KCNQ1: variants seen among roughly 807,000 people sequenced by gnomAD.
The protein encoded by KCNQ1 is potassium voltage-gated channel subfamily Q member 1.
In KCNQ1, 49 loss-of-function variants were observed where a neutral mutation model predicts 72.4. The observed-to-expected ratio is 0.68, with a 90% CI of 0.54 to 0.86. The LOEUF (loss-of-function observed/expected upper bound fraction) is 0.86. Among genes scored for constraint, KCNQ1 ranks in the 40% least tolerant of loss-of-function variants. The pLI is 0.00. For missense variants in KCNQ1, 790 were observed against 945.1 expected, an observed-to-expected ratio of 0.84 and a Z score of 2.15; for synonymous variants, 450 against 412.6, an observed-to-expected ratio of 1.09 and a Z score of -1.10.
Position 2,544,260 on chromosome 11 carries a change from G to GTA in KCNQ1, c.477+16243_477+16244insAT, listed in dbSNP as rs58881224. Among the ~76,000 whole-genome samples the GTA allele has an allele frequency of 9.0e-6, 1 of 110,862 alleles. No individual in the cohort carries two copies. Among genetic ancestry groups the GTA allele is most frequent in the Admixed American group, 8.8e-5 (1 of 11,344 alleles). 72.7% of individuals were successfully genotyped at this position (110,862 alleles called of 152,430 possible). On this transcript the variant is annotated intron_variant, in intron 2 of 15. Transcript: ENST00000155840. This position sits in a 1 kb window ranked among gnomAD's most constrained non-coding sequence, Gnocchi z 4.4. ...TATGTGTGTGTGTGTATATATATATGTGTGTGTGTGTATATATATGTGTAT... is the reference window on the plus strand; with the variant it reads ...TATGTGTGTGTGTGTATATATATATGTATGTGTGTGTGTATATATATGTGTAT...
At position 2,766,302 on chromosome 11, in the gene KCNQ1, G is replaced by A. The variant is rs1846496960; in HGVS notation, c.1515-2542G>A. On this transcript the variant is annotated intron_variant, in intron 11 of 15. Coordinates refer to ENST00000155840, the MANE Select transcript of KCNQ1 (RefSeq NM_000218.3). This position sits in a 1 kb window ranked among gnomAD's most constrained non-coding sequence, Gnocchi z 4.4. ...CAGTTGGGTGGTCTCACTTGGATTCGATGACATGGCAGTACTTGCATGGTG... is the reference window on the plus strand; with the variant it reads ...CAGTTGGGTGGTCTCACTTGGATTCAATGACATGGCAGTACTTGCATGGTG... Among the ~76,000 whole-genome samples, 1 of 152,172 alleles carries A rather than the reference G, an allele frequency of 6.6e-6. No individual in the cohort carries two copies. The highest frequency in any genetic ancestry group is 1.5e-5 in the Non-Finnish European group (1 of 68,036).
intron 15 of KCNQ1, among the ~76,000 whole-genome samples, chr11:2,821,748 T>A (rs755852092): frequency 1.4e-4 from 21 of 152,148 alleles, no homozygotes; most frequent in Non-Finnish European, 2.5e-4. Flanking sequence ...CTGGCTGCTA[T>A]GTACTGGTCC....
Position 2,684,232 on chromosome 11 carries a change from C to G in KCNQ1, c.1514+22151C>G, listed in dbSNP as rs1590030526. 7.5e-6 allele frequency: 3 copies of G among 398,598 alleles called. No individual in the cohort carries two copies. In the East Asian group the frequency reaches 1.1e-4, roughly 14 times the overall value. 24.7% of individuals were successfully genotyped at this position (398,598 alleles called of 1,614,324 possible). A position where few individuals can be genotyped will look rare whatever the true frequency, so the allele number is the denominator to read the frequency against. ...GACAGGCAGCTGTCTGTTAACTGAC[C>G]CTACCCAGTACCTTCTGGGATTGGA... On this transcript the variant is annotated intron_variant, in intron 11 of 15. Coordinates refer to ENST00000155840, the MANE Select transcript of KCNQ1 (RefSeq NM_000218.3).
At chr11:2,726,436 C>T (rs950901283) in intron 11 of KCNQ1, among the ~76,000 whole-genome samples, 3 of 152,110 alleles carry the variant, frequency 2.0e-5, no homozygotes, top group African/African-American at 7.2e-5. Context: ...AGACACAGCT[C>T]AGGAGATGGA....
At chr11:2,476,262 T>A (rs1846567354) in intron 1 of KCNQ1, among the ~76,000 whole-genome samples, 1 of 152,198 alleles carries the variant, frequency 6.6e-6, no homozygotes, top group Non-Finnish European at 1.5e-5. Flanking sequence ...TGGATATCTC[T>A]GATTTCAACG....
At chr11:2,681,599 C>A in intron 11 of KCNQ1, 1 of 398,380 alleles carries the variant, frequency 2.5e-6, no homozygotes, top group South Asian at 1.3e-4. Flanking sequence ...CTTGCTTGCT[C>A]ACTCGCTCTC....
At position 2,475,209 on chromosome 11, in the gene KCNQ1, G is replaced by A. The variant is rs1180111300; in HGVS notation, c.386+29725G>A. Among the ~76,000 whole-genome samples, 1 of 152,062 alleles carries A rather than the reference G, an allele frequency of 6.6e-6. No homozygotes were observed. Among genetic ancestry groups the A allele is most frequent in the Non-Finnish European group, 1.5e-5 (1 of 68,022 alleles). On this transcript the variant is annotated intron_variant, in intron 1 of 15. Coordinates refer to ENST00000155840, the MANE Select transcript of KCNQ1 (RefSeq NM_000218.3). This position sits in a 1 kb window ranked among gnomAD's most constrained non-coding sequence, Gnocchi z 5.8. ...TCTGCCCCTGGATTTAGCTATTCTG[G>A]ATGTTTCATGTGCCTGAAATCATGG...
chr11:2,561,396 T>G (rs1848164945), intron 2 of KCNQ1, among the ~76,000 whole-genome samples: 1 of 152,090 alleles, frequency 6.6e-6, no homozygotes, highest in Admixed American at 6.5e-5. Flanking sequence ...CCACCTGTAC[T>G]CAGGACCCTG....
intron 1 of KCNQ1, among the ~76,000 whole-genome samples, chr11:2,524,736 C>G (rs1039843100): frequency 6.6e-6 from 1 of 152,204 alleles, no homozygotes; most frequent in Non-Finnish European, 1.5e-5. Flanking sequence ...TGCTGGACGT[C>G]AGGTGACACT....
intron 15 of KCNQ1, among the ~76,000 whole-genome samples, chr11:2,799,375 A>AGTGTGTGTGTGTGTGTGT (rs3079043): frequency 2.1e-4 from 31 of 147,400 alleles, no homozygotes; most frequent in East Asian, 2.0e-3. Flanking sequence ...TGTAAGTTCG[A>AGTGTGTGTGTGTGTGTGT]GTGTGTGTGT....
Position 2,473,302 on chromosome 11 carries a change from G to A in KCNQ1, c.386+27818G>A, listed in dbSNP as rs970418050. ...TAATAAATGGAAGAAAATAGTGGTTGGGGGCTTGCTGGGGACTCAGGGAGG... is the reference window on the plus strand; with the variant it reads ...TAATAAATGGAAGAAAATAGTGGTTAGGGGCTTGCTGGGGACTCAGGGAGG... On this transcript the variant is annotated intron_variant, in intron 1 of 15. Transcript: ENST00000155840. The surrounding 1 kb of genome is among the most constrained non-coding windows in gnomAD (Gnocchi z 6.0). Among the ~76,000 whole-genome samples the A allele has an allele frequency of 3.3e-5, 5 of 152,150 alleles. No individual in the cohort carries two copies. The highest frequency in any genetic ancestry group is 1.2e-4 in the African/African-American group (5 of 41,426).
intron 15 of KCNQ1, among the ~76,000 whole-genome samples, chr11:2,814,623 C>CAAGGAAGGAAGGAAGG (rs3079081): frequency 4.9e-5 from 7 of 142,546 alleles, no homozygotes; most frequent in East Asian, 4.6e-4. Flanking sequence ...TGGAAGGAGA[C>CAAGGAAGGAAGGAAGG]AAGGAAGGAA....
At chr11:2,512,152 T>A (rs964341696) in intron 1 of KCNQ1, among the ~76,000 whole-genome samples, 2 of 152,144 alleles carry the variant, frequency 1.3e-5, no homozygotes, top group African/African-American at 4.8e-5. Flanking sequence ...CGAACAAGAT[T>A]TGCACAAAAC....
chr11:2,704,846 G>A lies in KCNQ1; in HGVS notation c.1514+42765G>A, dbSNP rs1280625470. On this transcript the variant is annotated intron_variant, in intron 11 of 15. Transcript: ENST00000155840. The surrounding 1 kb of genome is among the most constrained non-coding windows in gnomAD (Gnocchi z 4.3). ...AGCAGCCTAGTGCATGTATGACCAC[G>A]AGCGAGCCCAAGGGAAGGACGGGTT... Among the ~76,000 whole-genome samples the A allele has an allele frequency of 2.0e-5, 3 of 152,262 alleles. No individual in the cohort carries two copies. The highest frequency in any genetic ancestry group is 2.1e-4 in the South Asian group (1 of 4,822).
intron 15 of KCNQ1, among the ~76,000 whole-genome samples, chr11:2,796,831 C>A (rs924006448): frequency 3.3e-5 from 5 of 152,354 alleles, no homozygotes; most frequent in Middle Eastern, 6.8e-3. Context: ...CCTGCGCCAC[C>A]TGACAGATGT....
rs1167505141 is a variant in KCNQ1, at chr11:2,610,716, C to CTTTTTT, written c.1393+21886_1393+21891dup. The CTTTTTT allele has an allele frequency of 7.8e-4, 180 of 230,098 alleles. 2 individuals are homozygous for CTTTTTT. The highest frequency in any genetic ancestry group is 1.6e-3 in the African/African-American group (34 of 21,570). The allele number at this position is 230,098 out of a possible 1,614,324, so 14.3% of individuals were successfully genotyped here. On this transcript the variant is annotated intron_variant, in intron 10 of 15. Transcript: ENST00000155840. ...TTCTGGACACAGTATTCTTGGTTGG[C>CTTTTTT]TTTTTTTTTTTTTTTTTTTTTTTTT...
Position 2,549,710 on chromosome 11 carries a change from G to A in KCNQ1, c.478-20918G>A, listed in dbSNP as rs1282734947. 1.3e-5 allele frequency among the ~76,000 whole-genome samples: 2 copies of A among 152,086 alleles called. No homozygotes were observed. Among genetic ancestry groups the A allele is most frequent in the African/African-American group, 4.8e-5 (2 of 41,406 alleles). On this transcript the variant is annotated intron_variant, in intron 2 of 15. Transcript: ENST00000155840. The surrounding 1 kb of genome is among the most constrained non-coding windows in gnomAD (Gnocchi z 6.2). ...TTGTGTTCTGCATGGGTGGCCCTGGGCTCCCCAGGCCTGGTGTGGGGGTGC... is the reference window on the plus strand; with the variant it reads ...TTGTGTTCTGCATGGGTGGCCCTGGACTCCCCAGGCCTGGTGTGGGGGTGC...
intron 10 of KCNQ1, among the ~76,000 whole-genome samples, chr11:2,590,957 T>C (rs1848662994): frequency 6.6e-6 from 1 of 152,232 alleles, no homozygotes; most frequent in Non-Finnish European, 1.5e-5. Context: ...ACCTGCTGTG[T>C]ATGTGCTCAG....
In KCNQ1 at chr11:2,507,359, C is replaced by T. The variant is rs989917734; in HGVS notation, c.387-20569C>T. Among the ~76,000 whole-genome samples the T allele has an allele frequency of 3.3e-5, 5 of 152,116 alleles. No homozygotes were observed. The highest frequency in any genetic ancestry group is 9.7e-5 in the African/African-American group (4 of 41,410). On this transcript the variant is annotated intron_variant, in intron 1 of 15. Transcript: ENST00000155840. This position sits in a 1 kb window ranked among gnomAD's most constrained non-coding sequence, Gnocchi z 5.4. ...TGGAGTGTGGGGTCATCGGGCAGGA[C>T]ACGAGATGCGCAGGAGGCTGTGACT...
Sources: allele counts gnomAD v4.1 joint callset (sites outside exome capture counted in the v4.1 genomes callset), GRCh38; gene constraint gnomAD v4.1.1; non-coding constraint Gnocchi (gnomAD v3.1); transcripts MANE v1.5; gene names NCBI Gene and HGNC (gene_info 2026-07-23, HGNC 2026-07-21).